Variants in ADAMTSL1 observed in about 807,000 individuals in gnomAD.
ADAMTSL1 encodes the protein ADAMTS like 1.
A neutral mutation model predicts 201.8 loss-of-function variants in ADAMTSL1; 126 were observed. The observed-to-expected ratio is 0.62, with a 90% CI of 0.54 to 0.72. The LOEUF is 0.72. Among genes scored for constraint, ADAMTSL1 ranks in the 30% least tolerant of loss-of-function variants. The pLI, the probability that ADAMTSL1 is intolerant of heterozygous loss-of-function variation, is 0.00. For missense variants in ADAMTSL1, 2,679 were observed against 2,277.8 expected, an observed-to-expected ratio of 1.18 and a Z score of -3.59; for synonymous variants, 1,121 against 903.4, an observed-to-expected ratio of 1.24 and a Z score of -4.32.
At chr9:18,009,030 G>T (rs1254787832) in intron 1 of ADAMTSL1, among the ~76,000 whole-genome samples, 3 of 151,858 alleles carry the variant, frequency 2.0e-5, no homozygotes, top group Non-Finnish European at 4.4e-5. Context: ...GTCTCTTGCT[G>T]GTTACTCTCC....
At chr9:18,718,116 A>T (rs4977339) in intron 14 of ADAMTSL1, 2 of 1,166,908 alleles carry the variant, frequency 1.7e-6, no homozygotes, top group Non-Finnish European at 2.6e-6. Flanking sequence ...CAGTTGTTCC[A>T]TTGTCTTGCT....
chr9:18,407,093 G>A (rs9407908), intron 2 of ADAMTSL1, among the ~76,000 whole-genome samples: 143,051 of 152,260 alleles, frequency 0.94, 67,859 homozygotes, highest in East Asian at 1. Context: ...GCACTTTGCT[G>A]TCCAATGGAG....
chr9:18,886,209 TATAC>T (rs72219325), intron 23 of ADAMTSL1, among the ~76,000 whole-genome samples: 1,646 of 117,622 alleles, frequency 0.014, 9 homozygotes, highest in African/African-American at 0.017. Context: ...TATATATATA[TATAC>T]ACACACATAC....
At chr9:18,567,917 C>A (rs1433628346) in intron 3 of ADAMTSL1, among the ~76,000 whole-genome samples, 1 of 151,910 alleles carries the variant, frequency 6.6e-6, no homozygotes, top group Non-Finnish European at 1.5e-5. Context: ...GCTGTAAAAA[C>A]CTCTATTGTA....
chr9:18,574,280 T>A lies in ADAMTSL1; in HGVS notation c.474+14T>A. 3.7e-6 allele frequency: 6 copies of A among 1,605,988 alleles called. No individual in the cohort carries two copies. The highest frequency in any genetic ancestry group is 5.1e-6 in the Non-Finnish European group (6 of 1,172,550). On this transcript the variant is annotated intron_variant, in intron 4 of 28. Transcript: ENST00000380548. ...GGTTTATGCCAAGTAAGTGCTGATT[T>A]GTTCTCATTCAACTTGTCCAGAGGG...
intron 2 of ADAMTSL1, among the ~76,000 whole-genome samples, chr9:18,232,667 A>G (rs1830689476): frequency 6.6e-6 from 1 of 152,168 alleles, no homozygotes; most frequent in South Asian, 2.1e-4. Context: ...ACTCATTCAT[A>G]TTCCTTCTAT....
At chr9:18,645,103 C>A (rs913491745) in intron 7 of ADAMTSL1, among the ~76,000 whole-genome samples, 11 of 152,092 alleles carry the variant, frequency 7.2e-5, no homozygotes, top group Non-Finnish European at 1.6e-4. Flanking sequence ...GATGGTATCT[C>A]ATTGTGGTTT....
chr9:18,823,436 G>C (rs1824334788), intron 21 of ADAMTSL1, among the ~76,000 whole-genome samples: 1 of 152,174 alleles, frequency 6.6e-6, no homozygotes, highest in Admixed American at 6.5e-5. Context: ...GCATGAGATA[G>C]ACAGACATCA....
At chr9:18,196,571 C>G (rs1829192649) in intron 2 of ADAMTSL1, among the ~76,000 whole-genome samples, 1 of 152,066 alleles carries the variant, frequency 6.6e-6, no homozygotes, top group African/African-American at 2.4e-5. Context: ...GCCTTTTCAG[C>G]TTTTGATAGT....
chr9:18,802,283 A>G (rs549542929), intron 20 of ADAMTSL1, among the ~76,000 whole-genome samples: 2 of 152,162 alleles, frequency 1.3e-5, no homozygotes, highest in Non-Finnish European at 2.9e-5. Context: ...AAAACAAAAA[A>G]AACAGGAGTT....
At chr9:18,146,141 A>G (rs913573365) in intron 1 of ADAMTSL1, among the ~76,000 whole-genome samples, 2 of 152,170 alleles carry the variant, frequency 1.3e-5, no homozygotes, top group African/African-American at 4.8e-5. Context: ...AATCAAAAAT[A>G]CACCAGGTTT....
intron 23 of ADAMTSL1, among the ~76,000 whole-genome samples, chr9:18,853,329 T>G (rs11791292): frequency 0.12 from 18,952 of 152,148 alleles, 1,333 homozygotes; most frequent in East Asian, 0.28. Context: ...AGTACTCAAA[T>G]CAGTTCCCCC....
At chr9:18,367,459 C>T (rs947965742) in intron 2 of ADAMTSL1, among the ~76,000 whole-genome samples, 1 of 151,678 alleles carries the variant, frequency 6.6e-6, no homozygotes, top group Non-Finnish European at 1.5e-5. Context: ...GGTCTAAGCC[C>T]TAGGGTTGCC....
upstream of ADAMTSL1, among the ~76,000 whole-genome samples, chr9:18,473,020 C>G (rs1401563394): frequency 6.6e-6 from 1 of 152,192 alleles, no homozygotes; most frequent in Non-Finnish European, 1.5e-5. Flanking sequence ...CTGACCTTCT[C>G]GTTGCTGTTG....
chr9:17,980,760 A>C (rs1818657311), intron 1 of ADAMTSL1, among the ~76,000 whole-genome samples: 1 of 152,150 alleles, frequency 6.6e-6, no homozygotes, highest in Non-Finnish European at 1.5e-5. Flanking sequence ...ATGGAGGAAT[A>C]CTTGAGGCTG....
intron 1 of ADAMTSL1, among the ~76,000 whole-genome samples, chr9:18,060,962 A>G (rs912225983): frequency 6.6e-6 from 1 of 152,334 alleles, no homozygotes; most frequent in South Asian, 2.1e-4. Context: ...TATAACTAGA[A>G]AAGTAACTCA....
At chr9:18,251,732 A>G (rs997414396) in intron 2 of ADAMTSL1, among the ~76,000 whole-genome samples, 12 of 152,212 alleles carry the variant, frequency 7.9e-5, no homozygotes, top group Non-Finnish European at 1.6e-4. Context: ...CTATAACCCT[A>G]CTACAAACCA....
intron 4 of ADAMTSL1, among the ~76,000 whole-genome samples, chr9:18,599,879 G>T (rs143426557): frequency 6.6e-6 from 1 of 151,038 alleles, no homozygotes; most frequent in East Asian, 1.9e-4. Flanking sequence ...CTGGCTGGGC[G>T]CGGTGGCTCA....
At chr9:18,409,711 A>G (rs994581130) in intron 2 of ADAMTSL1, among the ~76,000 whole-genome samples, 3 of 150,746 alleles carry the variant, frequency 2.0e-5, no homozygotes, top group Admixed American at 6.6e-5. Flanking sequence ...GACAGCCATA[A>G]CATGTATGTA....
Sources: gnomAD v4.1 joint callset for allele counts (sites outside exome capture counted in the v4.1 genomes callset) on GRCh38, gnomAD v4.1.1 for gene constraint, MANE v1.5 for transcripts, NCBI Gene and HGNC (gene_info 2026-07-23, HGNC 2026-07-21) for gene names.